Variants in ANKRD24 observed in about 807,000 individuals in gnomAD.
ANKRD24 encodes the protein ankyrin repeat domain 24, also known as ankyrin repeat domain-containing protein 24.
A neutral mutation model predicts 127.8 loss-of-function variants in ANKRD24; 109 were observed. The ratio of observed to expected loss-of-function variants is 0.85; its 90% confidence interval spans 0.73 to 1.00. The LOEUF is 1.00. Among genes scored for constraint, ANKRD24 ranks in the 50% least tolerant of loss-of-function variants. ANKRD24 has a pLI of 0.00. For synonymous variants in ANKRD24, 743 were observed against 671.1 expected, an observed-to-expected ratio of 1.11 and a Z score of -1.66; for missense variants, 1,648 against 1,570.2, an observed-to-expected ratio of 1.05 and a Z score of -0.84.
chr19:4,186,277 C>T, intron 1 of ANKRD24, 113 bp from the exon 2 acceptor site: 1 of 1,493,654 alleles, frequency 6.7e-7, no homozygotes, highest in Non-Finnish European at 8.9e-7. Context: ...GCTCTAGGGG[C>T]CAGGACTGGT....
chr19:4,211,837 A>C (rs1380656788), intron 13 of ANKRD24, among the ~76,000 whole-genome samples: 1 of 152,114 alleles, frequency 6.6e-6, no homozygotes, highest in Admixed American at 6.6e-5. Context: ...GCATGCTGGC[A>C]CACAGTAGGT....
intron 1 of ANKRD24, among the ~76,000 whole-genome samples, chr19:4,183,863 G>A (rs909356927): frequency 2.6e-5 from 4 of 152,098 alleles, no homozygotes; most frequent in East Asian, 3.8e-4. Context: ...GCCGGAGATC[G>A]CGCCATTGCA....
At chr19:4,210,020 G>T (rs67953324) in intron 11 of ANKRD24, 38 bp from the exon 12 acceptor site, 5 of 1,337,908 alleles carry the variant, frequency 3.7e-6, no homozygotes, top group Non-Finnish European at 5.2e-6. Flanking sequence ...ATGGCCCCCC[G>T]ATCGGCCCCC....
In ANKRD24 at chr19:4,199,746, C is replaced by T. The variant is rs761812205; in HGVS notation, c.100C>T (p.Pro34Ser). The T allele has an allele frequency of 2.7e-5, 42 of 1,537,880 alleles. No individual in the cohort carries two copies. The highest frequency in any genetic ancestry group is 3.5e-5 in the Non-Finnish European group (40 of 1,144,532). ...CTGCGGCCCCTGCCCCATCCCGAAG[C>T]CGGCAGCCAGAGGCAGGCGCCAGGC... The part of the protein sequence containing the change: ...PPCGPCPIPK[P>S]AARGRRQSQD... Residue 34 changes from proline (P) to serine (S), a missense_variant, in exon 3 of 22, where the codon CCG becomes TCG. By Grantham distance (74) the Pro-to-Ser change is moderately conservative (BLOSUM62 -1). Transcript: ENST00000318934. The surrounding 1 kb of genome is among the most constrained non-coding windows in gnomAD (Gnocchi z 5.2).
chr19:4,198,468 C>CCCCCGCG lies in ANKRD24; in HGVS notation c.37-1202_37-1196dup, dbSNP rs1235234368. 1.0e-4 allele frequency: 63 copies of CCCCCGCG among 618,526 alleles called. No homozygotes were observed. The highest frequency in any genetic ancestry group is 1.5e-4 in the Non-Finnish European group (51 of 344,144). 38.3% of individuals were successfully genotyped at this position (618,526 alleles called of 1,614,324 possible). A position where few individuals can be genotyped will look rare whatever the true frequency, so the allele number is the denominator to read the frequency against. On this transcript the variant is annotated intron_variant, in intron 2 of 21. Coordinates refer to ENST00000318934, the MANE Select transcript of ANKRD24 (RefSeq NM_001393985.1). This position sits in a 1 kb window ranked among gnomAD's most constrained non-coding sequence, Gnocchi z 6.1. ...CGCCTCCTCTTGGAACCCCGTGCGCCCCCCGCGCCCCGCGCCCCGGACGCC... is the reference window on the plus strand; with the variant it reads ...CGCCTCCTCTTGGAACCCCGTGCGCCCCCCGCGCCCCGCGCCCCGCGCCCCGGACGCC...
At position 4,198,189 on chromosome 19, in the gene ANKRD24, G is replaced by T; in HGVS notation, c.37-1494G>T. Reference sequence around the variant, plus strand: ...GAGGGAGCCGGGCCCCCGGCGCCGCGTCCTCCTCATCCTCCAGGCGACAAG... The same window carrying T: ...GAGGGAGCCGGGCCCCCGGCGCCGCTTCCTCCTCATCCTCCAGGCGACAAG... On this transcript the variant is annotated intron_variant, in intron 2 of 21. Coordinates refer to ENST00000318934, the MANE Select transcript of ANKRD24 (RefSeq NM_001393985.1). This position sits in a 1 kb window ranked among gnomAD's most constrained non-coding sequence, Gnocchi z 6.1. 1 of 573,024 alleles carries T rather than the reference G, an allele frequency of 1.7e-6. No individual in the cohort carries two copies. Among genetic ancestry groups the T allele is most frequent in the Non-Finnish European group, 3.1e-6 (1 of 323,752 alleles). The allele number at this position is 573,024 out of a possible 1,614,324, so 35.5% of individuals were successfully genotyped here.
intron 16 of ANKRD24, 98 bp from the exon 17 acceptor site, chr19:4,216,186 G>A: frequency 7.1e-7 from 1 of 1,410,884 alleles, no homozygotes; most frequent in Non-Finnish European, 9.7e-7. Context: ...CTGCTTGGCT[G>A]AGCCTGCCCT....
Position 4,198,097 on chromosome 19 carries a change from G to A in ANKRD24, c.37-1586G>A, listed in dbSNP as rs911399082. ...CGGAGGCACCTGCGCGCCCTTGGCC[G>A]ACTCGGAGGAGGTGGAGATGGACGC... On this transcript the variant is annotated intron_variant, in intron 2 of 21. Transcript: ENST00000318934. This position sits in a 1 kb window ranked among gnomAD's most constrained non-coding sequence, Gnocchi z 6.1. The A allele has an allele frequency of 1.3e-5, 6 of 461,394 alleles. No homozygotes were observed. The highest frequency in any genetic ancestry group is 1.0e-4 in the South Asian group (3 of 29,194). The allele number at this position is 461,394 out of a possible 1,614,324, so 28.6% of individuals were successfully genotyped here. A position where few individuals can be genotyped will look rare whatever the true frequency, so the allele number is the denominator to read the frequency against.
rs2145387798 is a variant in ANKRD24 at position 4,216,581 on chromosome 19, A to T, written c.1421A>T (p.Gln474Leu). 6.2e-7 allele frequency: 1 copy of T among 1,611,654 alleles called. No individual in the cohort carries two copies. The change falls in exon 18 of 22, where the codon CAG (glutamine) becomes CTG (leucine). Residue 474 changes from glutamine to leucine, a missense_variant. Transcript: ENST00000318934. ...ILENFEKDET[Q>L]MEVEALAEVI... is the part of the protein sequence containing the mutation. ...GAGAACTTTGAGAAGGACGAGACAC[A>T]GATGGAAGTGGAAGCTTTGGCAGAG...
Position 4,219,974 on chromosome 19 carries a change from A to C in ANKRD24, c.3171+216A>C, listed in dbSNP as rs1599469861. 2.0e-5 allele frequency among the ~76,000 whole-genome samples: 3 copies of C among 152,288 alleles called. No homozygotes were observed. In the Middle Eastern group the frequency reaches 0.01, roughly 518 times the overall value. On this transcript the variant is annotated intron_variant, in intron 19 of 21. Transcript: ENST00000318934. The stretch of plus-strand genomic sequence containing the variant: ...CCAGGTACCAATTATAACCACAGTT[A>C]CATTTATTTTATTTTTTTACTTGAG...
chr19:4,211,568 C>T (rs1362832107), intron 13 of ANKRD24, among the ~76,000 whole-genome samples: 2 of 151,828 alleles, frequency 1.3e-5, no homozygotes, highest in African/African-American at 2.4e-5. Flanking sequence ...TGCTTGAACC[C>T]GGGAGGCAGA....
intron 19 of ANKRD24, among the ~76,000 whole-genome samples, chr19:4,221,689 G>A (rs567772372): frequency 6.6e-6 from 1 of 152,302 alleles, no homozygotes; most frequent in African/African-American, 2.4e-5. Flanking sequence ...TCGACTCACT[G>A]TGGGACCTTA....
At chr19:4,193,850 A>AGGAAGGAAGGAAGGAAGGAT (rs758667487) in intron 2 of ANKRD24, among the ~76,000 whole-genome samples, 5,591 of 38,264 alleles carry the variant, frequency 0.15, 531 homozygotes, top group Non-Finnish European at 0.16. Context: ...GGAGGGAGGA[A>AGGAAGGAAGGAAGGAAGGAT]GGAAGGAAGG....
At position 4,217,326 on chromosome 19, in the gene ANKRD24, A is replaced by C; in HGVS notation, c.2166A>C (p.Gln722His). 6.4e-7 allele frequency: 1 copy of C among 1,551,890 alleles called. No individual in the cohort carries two copies. The highest frequency in any genetic ancestry group is 2.4e-5 in the East Asian group (1 of 40,932). ...CCGCAGAGGCCTCGGAAAAGCTTCA[A>C]GTAGAGCTGGAGACCAGGATCCGTG... is the stretch of plus-strand genomic sequence containing the variant. Reference protein sequence around the residue: ...PGAAEASEKLQVELETRIRGL... With the variant: ...PGAAEASEKLHVELETRIRGL... The change falls in exon 18 of 22, where the codon CAA (glutamine) becomes CAC (histidine). Residue 722 changes from glutamine (Q) to histidine (H), a missense_variant. Physicochemically the swap from Gln to His is conservative, Grantham distance 24. Transcript: ENST00000318934.
rs560723617 is a variant in ANKRD24 at position 4,220,135 on chromosome 19, C to A, written c.3171+377C>A. 4.7e-4 allele frequency among the ~76,000 whole-genome samples: 72 copies of A among 152,258 alleles called. 1 individual carries two copies. Among genetic ancestry groups the A allele is most frequent in the African/African-American group, 1.6e-3 (68 of 41,548 alleles). On this transcript the variant is annotated intron_variant, in intron 19 of 21. Coordinates refer to ENST00000318934, the MANE Select transcript of ANKRD24 (RefSeq NM_001393985.1). ...TACAGGCATGCGACACCACACCCAG[C>A]TAATTTTTTATATTTTTAGTAGAGA...
intron 19 of ANKRD24, among the ~76,000 whole-genome samples, chr19:4,221,381 TTTTGTTTG>T (rs79520023): frequency 3.6e-4 from 54 of 151,536 alleles, no homozygotes; most frequent in East Asian, 1.2e-3. Context: ...TTTTTTTTGC[TTTTGTTTG>T]TTTGTTTGTT....
In ANKRD24 at chr19:4,198,298, G is replaced by T. The variant is rs977027800; in HGVS notation, c.37-1385G>T. 12 of 430,486 alleles carry T rather than the reference G, an allele frequency of 2.8e-5. No individual in the cohort carries two copies. The highest frequency in any genetic ancestry group is 4.9e-5 in the Non-Finnish European group (12 of 243,834). The allele number at this position is 430,486 out of a possible 1,614,324, so 26.7% of individuals were successfully genotyped here. On this transcript the variant is annotated intron_variant, in intron 2 of 21. Transcript: ENST00000318934. The surrounding 1 kb of genome is among the most constrained non-coding windows in gnomAD (Gnocchi z 6.1). ...TGGGTCTTCCCATTCCATCCCGTGGGGGAGGGGGCTGGCGAGGAGGGCAAG... is the reference window on the plus strand; with the variant it reads ...TGGGTCTTCCCATTCCATCCCGTGGTGGAGGGGGCTGGCGAGGAGGGCAAG...
chr19:4,198,138 A>C lies in ANKRD24; in HGVS notation c.37-1545A>C. 1.9e-6 allele frequency: 1 copy of C among 520,232 alleles called. No individual in the cohort carries two copies. The highest frequency in any genetic ancestry group is 3.4e-6 in the Non-Finnish European group (1 of 296,428). The allele number at this position is 520,232 out of a possible 1,614,324, so 32.2% of individuals were successfully genotyped here. A position where few individuals can be genotyped will look rare whatever the true frequency, so the allele number is the denominator to read the frequency against. ...AGATGGACGCCCGCGGGTCCCCTGG[A>C]GATGCAGCCGGCGGCCTGCGCTGGT... On this transcript the variant is annotated intron_variant, in intron 2 of 21. Coordinates refer to ENST00000318934, the MANE Select transcript of ANKRD24 (RefSeq NM_001393985.1). This position sits in a 1 kb window ranked among gnomAD's most constrained non-coding sequence, Gnocchi z 6.1.
At chr19:4,193,847 GGAA>G (rs1228652106) in intron 2 of ANKRD24, among the ~76,000 whole-genome samples, 1,471 of 8,520 alleles carry the variant, frequency 0.17, 33 homozygotes, top group Middle Eastern at 0.3. Flanking sequence ...GAGGGAGGGA[GGAA>G]GGAAGGAAGG....
Sources: gnomAD v4.1 joint callset for allele counts (sites outside exome capture counted in the v4.1 genomes callset) on GRCh38, gnomAD v4.1.1 for gene constraint, Gnocchi (gnomAD v3.1) non-coding constraint, MANE v1.5 for transcripts, NCBI Gene and HGNC (gene_info 2026-07-23, HGNC 2026-07-21) for gene names.